The following SDR42E2 variants were observed in gnomAD, a reference collection of about 807,000 sequenced individuals.
SDR42E2 encodes short chain dehydrogenase/reductase family 42E, member 2, also known as putative short-chain dehydrogenase/reductase family 42E member 2.
In SDR42E2, 20 loss-of-function variants were observed where a neutral mutation model predicts 10.5. The ratio of observed to expected loss-of-function variants is 1.90; its 90% CI spans 1.34 to 2.77. The LOEUF is 2.77. SDR42E2 is among the 30% of genes most tolerant of loss of function. The pLI, the probability that SDR42E2 is intolerant of heterozygous loss-of-function variation, is 0.00. For synonymous variants in SDR42E2, 72 were observed against 39.2 expected, an observed-to-expected ratio of 1.84 and a Z score of -3.12; for missense variants, 162 against 104.2, an observed-to-expected ratio of 1.55 and a Z score of -2.42.
At chr16:22,183,934 CAAAA>C (rs60806108) in intron 10 of SDR42E2, among the ~76,000 whole-genome samples, 290 of 129,602 alleles carry the variant, frequency 2.2e-3, no homozygotes, top group African/African-American at 5.9e-3. Context: ...TGATTCTCTG[CAAAA>C]AAAAAAAAAA....
At chr16:22,172,420 T>C in intron 7 of SDR42E2, 89 bp downstream of exon 7, 1 of 695,464 alleles carries the variant, frequency 1.4e-6, no homozygotes, top group South Asian at 1.5e-5. Flanking sequence ...CTAACATGTG[T>C]CTGAGGCCCA....
chr16:22,191,141 C>G lies in SDR42E2; in HGVS notation c.*748C>G, dbSNP rs1036181208. 1 of 154,034 alleles carries G rather than the reference C, an allele frequency of 6.5e-6. No individual in the cohort carries two copies. Among genetic ancestry groups the G allele is most frequent in the South Asian group, 1.8e-4 (1 of 5,526 alleles). The allele number at this position is 154,034 out of a possible 1,614,324, so 9.5% of individuals were successfully genotyped here. On this transcript the variant is annotated 3_prime_UTR_variant, in exon 13 of 13. Coordinates refer to ENST00000602312, the MANE Select transcript of SDR42E2 (RefSeq NM_001394319.2). Reference sequence around the variant, plus strand: ...TTCTGATATGGGCCAAGGCTCACAGCTTCCTCCGCCTTCTGGACCTTCTCC... The same window carrying G: ...TTCTGATATGGGCCAAGGCTCACAGGTTCCTCCGCCTTCTGGACCTTCTCC...
intron 12 of SDR42E2, among the ~76,000 whole-genome samples, 173 bp downstream of exon 12, chr16:22,186,967 A>T (rs2046741159): frequency 6.6e-6 from 1 of 151,140 alleles, no homozygotes; most frequent in Non-Finnish European, 1.5e-5. Flanking sequence ...TAGCTCTGTT[A>T]TGATCACCCC....
chr16:22,177,636 A>G (rs1350072136), intron 7 of SDR42E2, among the ~76,000 whole-genome samples: 2 of 152,026 alleles, frequency 1.3e-5, no homozygotes, highest in Middle Eastern at 3.2e-3. Context: ...TCAAAAAAAA[A>G]GAAATAAAGA....
At chr16:22,176,540 C>T (rs933063921) in intron 7 of SDR42E2, among the ~76,000 whole-genome samples, 8 of 152,106 alleles carry the variant, frequency 5.3e-5, no homozygotes, top group African/African-American at 1.7e-4. Context: ...TTTTTTAAAT[C>T]TTAAACATGA....
intron 1 of SDR42E2, among the ~76,000 whole-genome samples, 174 bp from the exon 2 acceptor site, chr16:22,165,373 C>A (rs958834015): frequency 6.6e-6 from 1 of 152,196 alleles, no homozygotes; most frequent in Non-Finnish European, 1.5e-5. Flanking sequence ...CAGACGTGAA[C>A]CACCACGCCG....
chr16:22,176,161 C>T (rs189942299), intron 7 of SDR42E2, among the ~76,000 whole-genome samples: 1 of 152,160 alleles, frequency 6.6e-6, no homozygotes, highest in Non-Finnish European at 1.5e-5. Flanking sequence ...CTCTGTCGCC[C>T]AGGCTGAAGT....
rs1027611246 is a variant in SDR42E2, at chr16:22,184,167, G to A, written c.877-14G>A. The A allele has an allele frequency of 2.2e-5, 9 of 401,234 alleles. No homozygotes were observed. The highest frequency in any genetic ancestry group is 1.3e-4 in the South Asian group (1 of 7,958). The allele number at this position is 401,234 out of a possible 1,614,324, so 24.9% of individuals were successfully genotyped here. A position where few individuals can be genotyped will look rare whatever the true frequency, so the allele number is the denominator to read the frequency against. On this transcript the variant is annotated splice_polypyrimidine_tract_variant and intron_variant, in intron 10 of 12. Coordinates refer to ENST00000602312, the MANE Select transcript of SDR42E2 (RefSeq NM_001394319.2). ...GAACCACTTGTTCTCACTCCAGGTC[G>A]TGTTTCTTTGCAGTTTGAGAAGCTG... is the stretch of plus-strand genomic sequence containing the variant.
In SDR42E2 at chr16:22,190,286, A is replaced by C. The variant is rs2046763484; in HGVS notation, c.1162A>C (p.Thr388Pro). The C allele has an allele frequency of 2.5e-6, 1 of 401,134 alleles. No individual in the cohort carries two copies. The highest frequency in any genetic ancestry group is 4.4e-5 in the Admixed American group (1 of 22,710). 24.8% of individuals were successfully genotyped at this position (401,134 alleles called of 1,614,324 possible). The change falls in exon 13 of 13, where the codon ACC (threonine) becomes CCC (proline). Residue 388 changes from threonine to proline, a missense_variant. Physicochemically the swap from Thr to Pro is conservative, Grantham distance 38. Transcript: ENST00000602312. Reference sequence around the variant, plus strand: ...GCGGCCCCGCGGCTCCACGGCGCGGACCCTCCTGCGCCTGCTGCTCAGGCT... The same window carrying C: ...GCGGCCCCGCGGCTCCACGGCGCGGCCCCTCCTGCGCCTGCTGCTCAGGCT... ...TRRPRGSTAR[T>P]LLRLLLRLLL...
chr16:22,170,545 C>T (rs2046589487), intron 5 of SDR42E2, among the ~76,000 whole-genome samples: 1 of 152,056 alleles, frequency 6.6e-6, no homozygotes, highest in African/African-American at 2.4e-5. Context: ...CAAGGTAGCC[C>T]AGGGGTCCAA....
At position 22,179,401 on chromosome 16, in the gene SDR42E2, A is replaced by G. The variant is rs985286639; in HGVS notation, c.672+1189A>G. Among the ~76,000 whole-genome samples the G allele has an allele frequency of 5.3e-5, 8 of 152,278 alleles. No individual in the cohort carries two copies. The East Asian group carries it at 1.2e-3, about 22-fold the overall frequency. On this transcript the variant is annotated intron_variant, in intron 8 of 12. Transcript: ENST00000602312. The stretch of plus-strand genomic sequence containing the variant: ...CAACGAATACTTACGAACTCCTAGT[A>G]TGTGCCCCGCACTGTTCTAGGTTTG...
In SDR42E2 at chr16:22,186,775, C is replaced by T. The variant is rs541526634; in HGVS notation, c.995C>T (p.Pro332Leu). The change falls in exon 12 of 13, where the codon CCG (proline) becomes CTG (leucine). Residue 332 changes from proline (P) to leucine (L), a missense_variant. Transcript: ENST00000602312. ...CTGAGACCCATCTGCAGCCTCCCACCGCTGCTCACTCGTAGTGAGGTAAGT... is the reference window on the plus strand; with the variant it reads ...CTGAGACCCATCTGCAGCCTCCCACTGCTGCTCACTCGTAGTGAGGTAAGT... ...LALRPICSLPPLLTRSEVRSV... is the reference protein window; with the variant it reads ...LALRPICSLPLLLTRSEVRSV... The T allele has an allele frequency of 6.9e-4, 277 of 400,486 alleles. 1 individual carries two copies. The highest frequency in any genetic ancestry group is 4.4e-3 in the African/African-American group (214 of 48,424). 24.8% of individuals were successfully genotyped at this position (400,486 alleles called of 1,614,324 possible). A position where few individuals can be genotyped will look rare whatever the true frequency, so the allele number is the denominator to read the frequency against.
chr16:22,171,274 C>G (rs977344657), intron 6 of SDR42E2, among the ~76,000 whole-genome samples: 1 of 152,092 alleles, frequency 6.6e-6, no homozygotes, highest in South Asian at 2.1e-4. Flanking sequence ...CAGAGTCTCA[C>G]CCTGTCCCCA....
chr16:22,179,797 A>G lies in SDR42E2; in HGVS notation c.672+1585A>G, dbSNP rs1292318592. ...CATTGCACTCCAGCCTGGGCAACAA[A>G]AGCGAAACTTCATCTCAAAAAAAAA... On this transcript the variant is annotated intron_variant, in intron 8 of 12. Transcript: ENST00000602312. Among the ~76,000 whole-genome samples the G allele has an allele frequency of 2.7e-5, 4 of 149,244 alleles. 1 individual carries two copies. The highest frequency in any genetic ancestry group is 4.4e-5 in the Non-Finnish European group (3 of 67,672).
chr16:22,176,761 G>A (rs952636952), intron 7 of SDR42E2, among the ~76,000 whole-genome samples: 1 of 152,184 alleles, frequency 6.6e-6, no homozygotes, highest in African/African-American at 2.4e-5. Flanking sequence ...ACATATGTCT[G>A]TGGCAGCCCT....
chr16:22,173,901 G>GTATATATATA (rs1294081743), intron 7 of SDR42E2, among the ~76,000 whole-genome samples: 20 of 84,318 alleles, frequency 2.4e-4, no homozygotes, highest in Non-Finnish European at 3.3e-4. Context: ...ATATATGTGT[G>GTATATATATA]TGTGTATATA....
intron 7 of SDR42E2, 55 bp downstream of exon 7, chr16:22,172,386 T>C (rs2142066109): frequency 1.4e-6 from 1 of 703,298 alleles, no homozygotes; most frequent in South Asian, 1.5e-5. Flanking sequence ...TGCTGCCTCC[T>C]CCAAAATACA....
intron 8 of SDR42E2, among the ~76,000 whole-genome samples, chr16:22,179,448 C>G (rs929331945): frequency 1.3e-4 from 20 of 152,186 alleles, no homozygotes; most frequent in African/African-American, 4.8e-4. Flanking sequence ...GTGAACAAAA[C>G]AGATGATTCC....
At position 22,190,357 on chromosome 16, in the gene SDR42E2, C is replaced by T. The variant is rs1028940993; in HGVS notation, c.1233C>T (p.Gly411=). Residue 411 remains glycine, a synonymous_variant, in exon 13 of 13, where the codon GGC becomes GGT. Coordinates refer to ENST00000602312, the MANE Select transcript of SDR42E2 (RefSeq NM_001394319.2). Reference sequence around the variant, plus strand: ...TCGCCCTGGCCCTGCACTTCCTAGGCCTGCAGCCTCTGCACGCCGCCGTGG... The same window carrying T: ...TCGCCCTGGCCCTGCACTTCCTAGGTCTGCAGCCTCTGCACGCCGCCGTGG... ...GLLALALHFL[G]LQPLHAAVER... The T allele has an allele frequency of 7.5e-6, 3 of 402,618 alleles. No homozygotes were observed. The highest frequency in any genetic ancestry group is 3.6e-5 in the East Asian group (1 of 28,098). 24.9% of individuals were successfully genotyped at this position (402,618 alleles called of 1,614,324 possible). A position where few individuals can be genotyped will look rare whatever the true frequency, so the allele number is the denominator to read the frequency against.
Sources: allele counts gnomAD v4.1 joint callset (sites outside exome capture counted in the v4.1 genomes callset), GRCh38; gene constraint gnomAD v4.1.1; transcripts MANE v1.5; gene names NCBI Gene and HGNC (gene_info 2026-07-23, HGNC 2026-07-21).